Variants in ZNF780B observed in about 807,000 individuals in gnomAD.
The protein encoded by ZNF780B is zinc finger protein 780B.
Under a neutral mutation model 74.1 loss-of-function variants are expected in ZNF780B, and 52 were observed. That is an observed-to-expected ratio of 0.70 (90% CI 0.56 to 0.88). The LOEUF is 0.88. ZNF780B is among the 40% of genes least tolerant of loss of function. The probability of loss-of-function intolerance (pLI) is 0.00; values close to 1 mark genes in which losing one functional copy is unlikely to be tolerated. For synonymous variants in ZNF780B, 315 were observed against 324.3 expected (o/e 0.97, Z 0.31); for missense variants, 953 against 1,007.6 (o/e 0.95, Z 0.73).
chr19:40,041,378 T>C (rs1442489426), intron 4 of ZNF780B, among the ~76,000 whole-genome samples: 7 of 152,338 alleles, frequency 4.6e-5, no homozygotes, highest in Middle Eastern at 6.8e-3. Flanking sequence ...AGAATGTATA[T>C]TCTGTTGATT....
intron 1 of ZNF780B, among the ~76,000 whole-genome samples, chr19:40,053,147 C>A (rs1316083240): frequency 6.6e-6 from 1 of 151,978 alleles, no homozygotes; most frequent in Non-Finnish European, 1.5e-5. Context: ...AGACTACCTA[C>A]AGAATGAGAG....
chr19:40,054,080 G>C lies in ZNF780B; in HGVS notation c.-46+2109C>G, dbSNP rs1382445930. Among the ~76,000 whole-genome samples, 6 of 152,182 alleles carry C rather than the reference G, an allele frequency of 3.9e-5. No individual in the cohort carries two copies. The East Asian group carries it at 1.2e-3, about 29-fold the overall frequency. On this transcript the variant is annotated intron_variant, in intron 1 of 4. Transcript: ENST00000434248. ...GGGCAGGAGAATTACTTGAACCCGG[G>C]AGGCAGAGGTTGCAGTGAACCGAGA...
At chr19:40,041,841 G>A (rs1426718328) in intron 4 of ZNF780B, among the ~76,000 whole-genome samples, 1 of 152,078 alleles carries the variant, frequency 6.6e-6, no homozygotes, top group East Asian at 1.9e-4. Flanking sequence ...GCACACTGAT[G>A]GGTCTTGACT....
intron 4 of ZNF780B, among the ~76,000 whole-genome samples, chr19:40,037,626 T>C (rs1415469675): frequency 1.3e-5 from 2 of 152,142 alleles, no homozygotes; most frequent in African/African-American, 2.4e-5. Flanking sequence ...CAGATCAAAG[T>C]TTACAGATCA....
intron 4 of ZNF780B, among the ~76,000 whole-genome samples, chr19:40,039,690 C>T (rs1451885298): frequency 1.3e-5 from 2 of 152,208 alleles, no homozygotes; most frequent in Non-Finnish European, 2.9e-5. Flanking sequence ...TGGGAGTTCA[C>T]TCATAATTTG....
chr19:40,053,338 A>C (rs1218143341), intron 1 of ZNF780B, among the ~76,000 whole-genome samples: 2 of 152,244 alleles, frequency 1.3e-5, no homozygotes, highest in African/African-American at 4.8e-5. Flanking sequence ...TCATCAGGGA[A>C]ATGAAAATTA....
rs914289210 is a variant in ZNF780B at position 40,031,816 on chromosome 19, A to G, written c.*2541T>C. ...ATCCAGGGCTTAAGTACACGTGACT[A>G]TAACTTTTCAGAGATGACAACGTCT... On this transcript the variant is annotated 3_prime_UTR_variant, in exon 5 of 5. Transcript: ENST00000434248. 28 of 272,660 alleles carry G rather than the reference A, an allele frequency of 1.0e-4. No homozygotes were observed. Among genetic ancestry groups the G allele is most frequent in the Non-Finnish European group, 1.3e-4 (18 of 135,280 alleles). 16.9% of individuals were successfully genotyped at this position (272,660 alleles called of 1,614,324 possible). A position where few individuals can be genotyped will look rare whatever the true frequency, so the allele number is the denominator to read the frequency against.
In ZNF780B at chr19:40,033,043, T is replaced by G. The variant is rs1296449614; in HGVS notation, c.*1314A>C. On this transcript the variant is annotated 3_prime_UTR_variant, in exon 5 of 5. Coordinates refer to ENST00000434248, the MANE Select transcript of ZNF780B (RefSeq NM_001005851.3). ...GGGGGGATATGTGTATATATTTTAC[T>G]ATTCTTTCAAAACCCACAACAATTA... 1 of 152,442 alleles carries G rather than the reference T, an allele frequency of 6.6e-6. No homozygotes were observed. The highest frequency in any genetic ancestry group is 1.5e-5 in the Non-Finnish European group (1 of 68,208). 9.4% of individuals were successfully genotyped at this position (152,442 alleles called of 1,614,324 possible).
chr19:40,053,884 T>C (rs1296502533), intron 1 of ZNF780B, among the ~76,000 whole-genome samples: 2 of 152,228 alleles, frequency 1.3e-5, no homozygotes, highest in Non-Finnish European at 2.9e-5. Flanking sequence ...CTCACACTTG[T>C]AATCCCAGCA....
Position 40,034,450 on chromosome 19 carries a change from T to C in ZNF780B, c.2409A>G (p.Val803=), listed in dbSNP as rs759239864. The C allele has an allele frequency of 6.2e-7, 1 of 1,613,942 alleles. No individual in the cohort carries two copies. Among genetic ancestry groups the C allele is most frequent in the African/African-American group, 1.3e-5 (1 of 74,876 alleles). Residue 803 remains valine (V), a synonymous_variant, in exon 5 of 5, where the codon GTA becomes GTG. Transcript: ENST00000434248. ...HLQLSLHQKL[V]QVRNPLNVRN... ...TTACATTCAAAGGGTTTCTCACCTG[T>C]ACAAGTTTTTGATGCAGAGAAAGTT... is the stretch of plus-strand genomic sequence containing the variant.
chr19:40,043,890 A>T (rs1972796819), intron 4 of ZNF780B, among the ~76,000 whole-genome samples: 2 of 152,196 alleles, frequency 1.3e-5, no homozygotes, highest in South Asian at 4.1e-4. Flanking sequence ...TTTGGCTTGC[A>T]CACAGTGCGC....
chr19:40,031,972 A>G lies in ZNF780B; in HGVS notation c.*2385T>C, dbSNP rs958635575. The G allele has an allele frequency of 2.3e-5, 10 of 436,770 alleles. No homozygotes were observed. Among genetic ancestry groups the G allele is most frequent in the Non-Finnish European group, 4.5e-5 (10 of 220,856 alleles). 27.1% of individuals were successfully genotyped at this position (436,770 alleles called of 1,614,324 possible). On this transcript the variant is annotated 3_prime_UTR_variant, in exon 5 of 5. Coordinates refer to ENST00000434248, the MANE Select transcript of ZNF780B (RefSeq NM_001005851.3). ...GTACTTAAATGTTTTCTGACAGTAC[A>G]ATATGACATAGAAATAACCTACAAA...
chr19:40,035,772 A>T lies in ZNF780B; in HGVS notation c.1087T>A (p.Cys363Ser), dbSNP rs1401073606. The T allele has an allele frequency of 6.2e-7, 1 of 1,614,050 alleles. No individual in the cohort carries two copies. The highest frequency in any genetic ancestry group is 8.5e-7 in the Non-Finnish European group (1 of 1,180,044). ...KIHMGEKPFECRECGKAFSLL... is the reference protein window; with the variant it reads ...KIHMGEKPFESRECGKAFSLL... The stretch of plus-strand genomic sequence containing the variant: ...CTAAAGGCCTTCCCGCATTCCCTGC[A>T]TTCAAAGGGCTTCTCACCCATATGA... The change falls in exon 5 of 5, where the codon TGC becomes AGC. Residue 363 changes from cysteine (C) to serine (S), a missense_variant. Cys to Ser is a moderately radical substitution (Grantham distance 112). Transcript: ENST00000434248.
intron 4 of ZNF780B, among the ~76,000 whole-genome samples, chr19:40,040,809 T>C (rs1972599190): frequency 6.6e-6 from 1 of 152,140 alleles, no homozygotes; most frequent in Non-Finnish European, 1.5e-5. Context: ...CTTTTCTTCT[T>C]TATTAGTCTT....
intron 2 of ZNF780B, 118 bp downstream of exon 2, chr19:40,050,196 CAAAAAAAAAA>C (rs74179712): frequency 3.0e-4 from 116 of 392,382 alleles, no homozygotes; most frequent in Admixed American, 6.0e-4. Context: ...GACTCCGTCT[CAAAAAAAAAA>C]AAAAAAAAAA....
At chr19:40,046,818 C>T (rs1972952791) in intron 4 of ZNF780B, among the ~76,000 whole-genome samples, 1 of 152,216 alleles carries the variant, frequency 6.6e-6, no homozygotes, top group Admixed American at 6.5e-5. Context: ...CAAGCATATG[C>T]CTTCTAGGAA....
Position 40,048,903 on chromosome 19 carries a change from T to C in ZNF780B, c.10-107A>G, listed in dbSNP as rs151284892. 417 of 1,523,126 alleles carry C rather than the reference T, an allele frequency of 2.7e-4. 3 individuals carry two copies. In the East Asian group the frequency reaches 9.4e-3, roughly 34 times the overall value. The allele number at this position is 1,523,126 out of a possible 1,614,324, so 94.4% of individuals were successfully genotyped here. A position where few individuals can be genotyped will look rare whatever the true frequency, so the allele number is the denominator to read the frequency against. ...TGCAATAAAGGAGCAATATGGAAAA[T>C]CGCAGAGTGCCTACACATTCTTCAA... is the stretch of plus-strand genomic sequence containing the variant. On this transcript the variant is annotated intron_variant, in intron 2 of 4. Transcript: ENST00000434248.
At position 40,030,782 on chromosome 19, in the gene ZNF780B, G is replaced by A. The variant is rs894048399; in HGVS notation, c.*3575C>T. The stretch of plus-strand genomic sequence containing the variant: ...CAACTCTTAATGATACTACCGGGAT[G>A]TGCAATGACCCAGAAAGGAGTTGTG... On this transcript the variant is annotated 3_prime_UTR_variant, in exon 5 of 5. Transcript: ENST00000434248. The A allele has an allele frequency of 6.6e-6, 1 of 152,194 alleles. No homozygotes were observed. The highest frequency in any genetic ancestry group is 2.4e-5 in the African/African-American group (1 of 41,438). 9.4% of individuals were successfully genotyped at this position (152,194 alleles called of 1,614,324 possible).
At chr19:40,053,326 A>C (rs1329505093) in intron 1 of ZNF780B, among the ~76,000 whole-genome samples, 1 of 152,240 alleles carries the variant, frequency 6.6e-6, no homozygotes, top group Admixed American at 6.5e-5. Context: ...CAACATTACT[A>C]ATCATCAGGG....
Sources: allele counts gnomAD v4.1 joint callset (sites outside exome capture counted in the v4.1 genomes callset), GRCh38; gene constraint gnomAD v4.1.1; transcripts MANE v1.5; gene names NCBI Gene and HGNC (gene_info 2026-07-23, HGNC 2026-07-21).